SESN1: variants seen among roughly 807,000 people sequenced by gnomAD.
The protein encoded by SESN1 is sestrin 1.
Under a neutral mutation model 59.3 loss-of-function variants are expected in SESN1, and 30 were observed. The ratio of observed to expected loss-of-function variants is 0.51; its 90% CI spans 0.38 to 0.69. SESN1 has a LOEUF of 0.69. Among genes scored for constraint, SESN1 ranks in the 30% least tolerant of loss-of-function variants. The pLI is 0.00. For synonymous variants in SESN1, 197 were observed against 219.9 expected (o/e 0.90, Z 0.92); for missense variants, 566 against 673.0 (o/e 0.84, Z 1.76).
At chr6:109,041,078 T>A (rs1419841289) in intron 1 of SESN1, among the ~76,000 whole-genome samples, 2 of 151,238 alleles carry the variant, frequency 1.3e-5, no homozygotes, top group African/African-American at 2.4e-5. Flanking sequence ...AGGAAGGAGA[T>A]TAGCATGAGC....
In SESN1 at chr6:108,984,670, C is replaced by T. The variant is rs553003914; in HGVS notation, c.*2874G>A. Among the ~76,000 whole-genome samples, 2 of 152,234 alleles carry T rather than the reference C, an allele frequency of 1.3e-5. No individual in the cohort carries two copies. The highest frequency in any genetic ancestry group is 2.1e-4 in the South Asian group (1 of 4,820). On this transcript the variant is annotated 3_prime_UTR_variant, in exon 10 of 10. Transcript: ENST00000436639. ...TCCTAAGTATTTTATTCTTTTTGAT[C>T]CTATTGTAAATGGAATTGTTAAATT...
In SESN1 at chr6:108,994,806, C is replaced by T. The variant is rs554545515; in HGVS notation, c.973-197G>A. ...CAAGGTCCACCTCCCAGGTTCACGC[C>T]ATTCTCCTGCCTCGGCCTCCCGAGT... is the stretch of plus-strand genomic sequence containing the variant. On this transcript the variant is annotated intron_variant, in intron 5 of 9. Transcript: ENST00000436639. Among the ~76,000 whole-genome samples, 4 of 151,698 alleles carry T rather than the reference C, an allele frequency of 2.6e-5. No homozygotes were observed. In the South Asian group the frequency reaches 8.3e-4, roughly 32 times the overall value.
At chr6:109,080,677 C>T (rs1003266057) in intron 1 of SESN1, among the ~76,000 whole-genome samples, 8 of 152,136 alleles carry the variant, frequency 5.3e-5, no homozygotes, top group Non-Finnish European at 1.0e-4. Flanking sequence ...GGAATCTTAA[C>T]GTTAAATTTT....
rs1779267834 is a variant in SESN1 at position 108,988,616 on chromosome 6, A to G, written c.1496T>C (p.Val499Ala). ...GGTAACCTTTTCAGGAGTGCAAACAACAGTTTTGATATAAACTTTAAAGCT... is the reference window on the plus strand; with the variant it reads ...GGTAACCTTTTCAGGAGTGCAAACAGCAGTTTTGATATAAACTTTAAAGCT... ...DRSFKVYIKT[V>A]VCTPEKVTKR... The change falls in exon 9 of 10, where the codon GTT (valine) becomes GCT (alanine). Residue 499 changes from valine (V) to alanine (A), a missense_variant. Coordinates refer to ENST00000436639, the MANE Select transcript of SESN1 (RefSeq NM_014454.3). 6 of 1,613,212 alleles carry G rather than the reference A, an allele frequency of 3.7e-6. No individual in the cohort carries two copies. In the East Asian group the frequency reaches 1.3e-4, roughly 36 times the overall value.
At chr6:109,081,401 T>C (rs1406103391) in intron 1 of SESN1, among the ~76,000 whole-genome samples, 2 of 152,234 alleles carry the variant, frequency 1.3e-5, no homozygotes, top group Non-Finnish European at 2.9e-5. Context: ...ATATTCAACT[T>C]GCATTAGCTA....
In SESN1 at chr6:108,984,927, C is replaced by CAAAG. The variant is rs1439244712; in HGVS notation, c.*2613_*2616dup. 1.3e-5 allele frequency among the ~76,000 whole-genome samples: 2 copies of CAAAG among 152,110 alleles called. No homozygotes were observed. The highest frequency in any genetic ancestry group is 2.9e-5 in the Non-Finnish European group (2 of 68,032). On this transcript the variant is annotated 3_prime_UTR_variant, in exon 10 of 10. Transcript: ENST00000436639. ...TCCCAATTGGTTTCTAGAGTTCTCA[C>CAAAG]AAAGATATTCTGGCCCATATATTGT... is the stretch of plus-strand genomic sequence containing the variant.
intron 1 of SESN1, chr6:109,009,440 C>CGCG: frequency 7.3e-7 from 1 of 1,368,260 alleles, no homozygotes; most frequent in African/African-American, 1.5e-5. Flanking sequence ...ACGCCTCGTT[C>CGCG]GCGGCGGCGG....
At chr6:109,085,246 G>A (rs950622202) in intron 1 of SESN1, among the ~76,000 whole-genome samples, 8 of 151,990 alleles carry the variant, frequency 5.3e-5, no homozygotes, top group South Asian at 2.1e-4. Flanking sequence ...CTGGCCAGGC[G>A]CAGCGGCTTA....
rs1052123122 is a variant in SESN1 at position 108,987,332 on chromosome 6, C to T, written c.*212G>A. 3 of 454,700 alleles carry T rather than the reference C, an allele frequency of 6.6e-6. No individual in the cohort carries two copies. The South Asian group carries it at 1.5e-4, about 23-fold the overall frequency. The allele number at this position is 454,700 out of a possible 1,614,324, so 28.2% of individuals were successfully genotyped here. A position where few individuals can be genotyped will look rare whatever the true frequency, so the allele number is the denominator to read the frequency against. ...AAAGCAAAATACTGTGAATGGCAGC[C>T]TGTCTTCACAGCTCTAAACTTGAAG... On this transcript the variant is annotated 3_prime_UTR_variant, in exon 10 of 10. Coordinates refer to ENST00000436639, the MANE Select transcript of SESN1 (RefSeq NM_014454.3).
chr6:109,090,652 T>G (rs1444641361), intron 1 of SESN1: 1 of 152,204 alleles, frequency 6.6e-6, no homozygotes, highest in East Asian at 1.9e-4. Context: ...GTCTTCACTT[T>G]GAGTACACTG....
Position 109,044,556 on chromosome 6 carries a change from A to C in SESN1, c.280-42213T>G, listed in dbSNP as rs144373303. Among the ~76,000 whole-genome samples, 41 of 152,156 alleles carry C rather than the reference A, an allele frequency of 2.7e-4. No homozygotes were observed. In the East Asian group the frequency reaches 6.8e-3, roughly 25 times the overall value. On this transcript the variant is annotated intron_variant, in intron 1 of 9. Coordinates refer to ENST00000436639, the MANE Select transcript of SESN1 (RefSeq NM_014454.3). ...GACTAAAAAACATCTAGAAGAAAAC[A>C]TAAGAGAATATCTACATCTAGATCA...
At chr6:108,993,869 C>T (rs780542866) in intron 6 of SESN1, among the ~76,000 whole-genome samples, 8 of 151,738 alleles carry the variant, frequency 5.3e-5, no homozygotes, top group Non-Finnish European at 1.0e-4. Flanking sequence ...TACAAACTGC[C>T]GTGCCCAAAA....
At chr6:109,064,600 GA>G (rs1780788082) in intron 1 of SESN1, among the ~76,000 whole-genome samples, 1 of 6,724 alleles carries the variant, frequency 1.5e-4, no homozygotes, top group African/African-American at 9.2e-4. Context: ...GAGGGGAGGG[GA>G]GGGGAGGGGA....
At chr6:109,087,030 G>A (rs1032300721) in intron 1 of SESN1, among the ~76,000 whole-genome samples, 2 of 152,182 alleles carry the variant, frequency 1.3e-5, no homozygotes, top group Admixed American at 1.3e-4. Flanking sequence ...TACTCAGGAG[G>A]CTGAGGCAGG....
intron 1 of SESN1, among the ~76,000 whole-genome samples, chr6:109,078,251 G>A (rs1034957637): frequency 5.9e-5 from 9 of 152,220 alleles, no homozygotes; most frequent in Admixed American, 2.0e-4. Context: ...GTGCAGTGGT[G>A]TGCATCTGTA....
intron 1 of SESN1, among the ~76,000 whole-genome samples, chr6:109,087,583 A>G (rs1164313853): frequency 6.6e-6 from 1 of 152,178 alleles, no homozygotes; most frequent in African/African-American, 2.4e-5. Flanking sequence ...TATGGAAGAG[A>G]GAAGCTTAGT....
rs186264774 is a variant in SESN1 at position 109,028,922 on chromosome 6, G to A, written c.280-26579C>T. ...GCGCATGGTGCATATGGTGACATGA[G>A]AGCGGGTATCTCTGAATTGGGGCTG... On this transcript the variant is annotated intron_variant, in intron 1 of 9. Coordinates refer to ENST00000436639, the MANE Select transcript of SESN1 (RefSeq NM_014454.3). Among the ~76,000 whole-genome samples the A allele has an allele frequency of 2.6e-4, 40 of 152,270 alleles. No homozygotes were observed. In the East Asian group the frequency reaches 6.4e-3, roughly 24 times the overall value.
Position 108,998,580 on chromosome 6 carries a change from A to G in SESN1, c.905T>C (p.Ile302Thr), listed in dbSNP as rs754354528. The change falls in exon 5 of 10, where the codon ATC (isoleucine) becomes ACC (threonine). Residue 302 changes from isoleucine (I) to threonine (T), a missense_variant. Physicochemically the swap from Ile to Thr is moderately conservative, Grantham distance 89. Transcript: ENST00000436639. Reference protein sequence around the residue: ...FRPPSVSNYCICDITNGNHSV... With the variant: ...FRPPSVSNYCTCDITNGNHSV... ...GTGATTGCCATTTGTAATGTCACAG[A>G]TGCAGTAGTTGCTAACAGAAGGAGG... The G allele has an allele frequency of 3.1e-6, 5 of 1,613,942 alleles. No homozygotes were observed. The highest frequency in any genetic ancestry group is 4.2e-6 in the Non-Finnish European group (5 of 1,179,820).
At chr6:109,018,242 A>C (rs1779956977) in intron 1 of SESN1, among the ~76,000 whole-genome samples, 1 of 152,236 alleles carries the variant, frequency 6.6e-6, no homozygotes. Context: ...GTATATCAAC[A>C]TTAAATTCAA....
Sources: gnomAD v4.1 joint callset for allele counts (sites outside exome capture counted in the v4.1 genomes callset) on GRCh38, gnomAD v4.1.1 for gene constraint, MANE v1.5 for transcripts, NCBI Gene and HGNC (gene_info 2026-07-23, HGNC 2026-07-21) for gene names.